The following POC5 variants were observed in gnomAD, a reference collection of about 807,000 sequenced individuals.
The protein encoded by POC5 is centrosomal protein POC5.
POC5 carries 48 observed loss-of-function variants against 62.9 expected under a neutral mutation model. The observed-to-expected ratio is 0.76, with a 90% CI of 0.61 to 0.97. POC5 has a LOEUF of 0.97. Among genes scored for constraint, POC5 ranks in the 50% least tolerant of loss-of-function variants. The probability of loss-of-function intolerance (pLI) is 0.00; values close to 1 mark genes in which losing one functional copy is unlikely to be tolerated. For synonymous variants in POC5, 236 were observed against 228.2 expected (o/e 1.03, Z -0.31); for missense variants, 696 against 679.5 (o/e 1.02, Z -0.27).
chr5:75,693,474 C>T (rs1245883348), intron 6 of POC5, among the ~76,000 whole-genome samples: 1 of 152,030 alleles, frequency 6.6e-6, no homozygotes, highest in African/African-American at 2.4e-5. Flanking sequence ...AATCGTAGTA[C>T]CTGTCTATCC....
At chr5:75,686,325 T>C (rs1333350064) in intron 9 of POC5, among the ~76,000 whole-genome samples, 1 of 152,232 alleles carries the variant, frequency 6.6e-6, no homozygotes, top group Non-Finnish European at 1.5e-5. Flanking sequence ...ATGAGCTGTT[T>C]CAGAACATCT....
intron 5 of POC5, among the ~76,000 whole-genome samples, chr5:75,698,988 G>A (rs377291389): frequency 0.17 from 25,139 of 151,478 alleles, 2,314 homozygotes; most frequent in South Asian, 0.21. Context: ...TAAATTCCTC[G>A]ACACATACAC....
chr5:75,676,828 A>G (rs1273026948), intron 11 of POC5, among the ~76,000 whole-genome samples: 4 of 133,330 alleles, frequency 3.0e-5, no homozygotes, highest in South Asian at 4.8e-4. Flanking sequence ...CTCTGTCTCA[A>G]AAAAAAAAAT....
At chr5:75,698,932 AC>A (rs1776735005) in intron 5 of POC5, among the ~76,000 whole-genome samples, 1 of 152,218 alleles carries the variant, frequency 6.6e-6, no homozygotes, top group African/African-American at 2.4e-5. Context: ...AGAGAATACT[AC>A]AAACACCTCT....
chr5:75,683,526 C>T (rs1312449160), intron 10 of POC5, among the ~76,000 whole-genome samples: 1 of 152,104 alleles, frequency 6.6e-6, no homozygotes, highest in Non-Finnish European at 1.5e-5. Context: ...AGCCGCCGCG[C>T]ATGGCTTTTT....
intron 5 of POC5, among the ~76,000 whole-genome samples, chr5:75,699,802 T>C (rs1471880492): frequency 7.2e-6 from 1 of 138,910 alleles, no homozygotes; most frequent in East Asian, 2.0e-4. Context: ...ACGACATGAT[T>C]GTATATCTAG....
At chr5:75,683,580 C>A (rs1775954973) in intron 10 of POC5, among the ~76,000 whole-genome samples, 1 of 151,928 alleles carries the variant, frequency 6.6e-6, no homozygotes, top group Non-Finnish European at 1.5e-5. Flanking sequence ...ACAGGTGAGT[C>A]TGATAAGCTT....
chr5:75,680,541 G>A (rs898454478), intron 10 of POC5, among the ~76,000 whole-genome samples: 3 of 151,852 alleles, frequency 2.0e-5, no homozygotes, highest in African/African-American at 4.8e-5. Flanking sequence ...GTTTACTGTC[G>A]GCTGCTTGTT....
intron 5 of POC5, among the ~76,000 whole-genome samples, chr5:75,697,663 T>C (rs7381033): frequency 0.24 from 37,038 of 151,386 alleles, 4,713 homozygotes; most frequent in South Asian, 0.32. Context: ...AGCAAAATAA[T>C]CAGCTAACAT....
At chr5:75,701,807 C>A (rs1232140231) in intron 5 of POC5, among the ~76,000 whole-genome samples, 1 of 152,056 alleles carries the variant, frequency 6.6e-6, no homozygotes, top group Non-Finnish European at 1.5e-5. Context: ...CCAGTAGTAT[C>A]AAAATAAAAA....
chr5:75,713,501 A>G (rs1215899983), intron 1 of POC5, among the ~76,000 whole-genome samples: 1 of 152,252 alleles, frequency 6.6e-6, no homozygotes, highest in African/African-American at 2.4e-5. Context: ...TCTGAATACC[A>G]GTAATATGTA....
intron 5 of POC5, 95 bp downstream of exon 5, chr5:75,702,510 A>G: frequency 5.8e-6 from 7 of 1,204,886 alleles, no homozygotes; most frequent in South Asian, 1.6e-5. Flanking sequence ...AGATTTTTAG[A>G]AAGTTTAACT....
intron 8 of POC5, chr5:75,689,551 C>A (rs776151893): frequency 5.6e-5 from 55 of 982,422 alleles, no homozygotes; most frequent in Non-Finnish European, 6.5e-5. Flanking sequence ...TACATGCCTG[C>A]AATATTAACA....
chr5:75,677,948 A>G lies in POC5; in HGVS notation c.1410T>C (p.Tyr470=), dbSNP rs1207614486. 6 of 1,527,784 alleles carry G rather than the reference A, an allele frequency of 3.9e-6. No homozygotes were observed. The highest frequency in any genetic ancestry group is 5.3e-6 in the Non-Finnish European group (6 of 1,137,722). The allele number at this position is 1,527,784 out of a possible 1,614,324, so 94.6% of individuals were successfully genotyped here. A position where few individuals can be genotyped will look rare whatever the true frequency, so the allele number is the denominator to read the frequency against. The change falls in exon 11 of 12, where the codon TAT becomes TAC. Residue 470 remains tyrosine, a splice_region_variant and synonymous_variant. Transcript: ENST00000428202. The stretch of plus-strand genomic sequence containing the variant: ...GTGCAGAGGTTACAACTCTTGGCAC[A>G]TACTAAGAAGAAAAAAAAATAAAAG... ...SAATAASEEM[Y]VPRVVTSAQQ... is the part of the protein sequence containing the mutation.
At chr5:75,713,318 G>A (rs1777426028) in intron 1 of POC5, among the ~76,000 whole-genome samples, 1 of 152,100 alleles carries the variant, frequency 6.6e-6, no homozygotes, top group Non-Finnish European at 1.5e-5. Context: ...TTCCCTTCTT[G>A]GGAAACTTAC....
chr5:75,713,194 C>A (rs529628139), intron 1 of POC5, among the ~76,000 whole-genome samples: 6 of 152,332 alleles, frequency 3.9e-5, no homozygotes, highest in South Asian at 2.1e-4. Context: ...CCCAGCGGGG[C>A]CTGTTGAGCA....
At position 75,692,425 on chromosome 5, in the gene POC5, G is replaced by A. The variant is rs758018319; in HGVS notation, c.766C>T (p.Arg256Ter). 5.7e-6 allele frequency: 9 copies of A among 1,592,440 alleles called. No individual in the cohort carries two copies. Among genetic ancestry groups the A allele is most frequent in the Non-Finnish European group, 6.0e-6 (7 of 1,168,784 alleles). Residue 256 changes from arginine to a stop codon, truncating the protein, a stop_gained, in exon 7 of 12, where the codon CGA (arginine) becomes TGA (stop). Coordinates refer to ENST00000428202, the MANE Select transcript of POC5 (RefSeq NM_001099271.2). LOFTEE classifies it high-confidence loss of function. ...TGTCTGGCTCTGACATGGCCGATTC[G>A]CCAGTGGAAGAATGTTCTCATCAAC... is the stretch of plus-strand genomic sequence containing the variant. ...IELMRTFFHW[R>*]IGHVRARQDV...
chr5:75,701,249 G>C (rs1339029396), intron 5 of POC5, among the ~76,000 whole-genome samples: 1 of 140,762 alleles, frequency 7.1e-6, no homozygotes, highest in Admixed American at 7.3e-5. Context: ...TAAATCATGC[G>C]GCTATAAAGA....
intron 2 of POC5, among the ~76,000 whole-genome samples, chr5:75,709,118 C>A (rs564257517): frequency 1.3e-5 from 2 of 152,364 alleles, no homozygotes; most frequent in South Asian, 4.1e-4. Context: ...GCGTGAGCCA[C>A]TGCACCCGGC....
Sources: allele counts gnomAD v4.1 joint callset (sites outside exome capture counted in the v4.1 genomes callset), GRCh38; gene constraint gnomAD v4.1.1; transcripts MANE v1.5; gene names NCBI Gene and HGNC (gene_info 2026-07-23, HGNC 2026-07-21).